SPTBN1: variants seen among roughly 807,000 people sequenced by gnomAD.
SPTBN1 encodes the protein spectrin beta chain, non-erythrocytic 1.
SPTBN1 carries 32 observed loss-of-function variants against 266.4 expected under a neutral mutation model. That is an observed-to-expected ratio of 0.12 (90% CI 0.09 to 0.16). The LOEUF (loss-of-function observed/expected upper bound fraction) is 0.16. Ranked by LOEUF, SPTBN1 falls within the 10% of genes least tolerant of loss-of-function variation. The probability of loss-of-function intolerance (pLI) is 1.00; values close to 1 mark genes in which losing one functional copy is unlikely to be tolerated. For missense variants in SPTBN1, 2,296 were observed against 3,067.1 expected (o/e 0.75, Z 5.94); for synonymous variants, 1,336 against 1,162.2 (o/e 1.15, Z -3.04).
intron 1 of SPTBN1, among the ~76,000 whole-genome samples, chr2:54,498,465 C>T (rs76131517): frequency 0.016 from 2,429 of 152,278 alleles, 78 homozygotes; most frequent in African/African-American, 0.054. Context: ...CCTTGGACAA[C>T]ATTCCCTGAG....
At chr2:54,473,773 C>CT in intron 1 of SPTBN1, among the ~76,000 whole-genome samples, 1 of 152,116 alleles carries the variant, frequency 6.6e-6, no homozygotes. Flanking sequence ...TCAAATGTTC[C>CT]TTTTCTGGAT....
At chr2:54,667,676 T>C in intron 35 of SPTBN1, 30 bp downstream of exon 35, 1 of 1,601,330 alleles carries the variant, frequency 6.2e-7, no homozygotes, top group Non-Finnish European at 8.6e-7. Flanking sequence ...TTCTCTCCAC[T>C]ACTTAGGAGT....
intron 1 of SPTBN1, among the ~76,000 whole-genome samples, chr2:54,517,179 AAG>A (rs1193248796): frequency 6.6e-6 from 1 of 151,966 alleles, no homozygotes; most frequent in East Asian, 1.9e-4. Flanking sequence ...CATGGCCTGA[AAG>A]AGATTTTCAG....
At chr2:54,621,018 CT>C (rs774743205) in intron 7 of SPTBN1, among the ~76,000 whole-genome samples, 1 of 152,108 alleles carries the variant, frequency 6.6e-6, no homozygotes, top group Non-Finnish European at 1.5e-5. Flanking sequence ...GTCATCCCAA[CT>C]TAGACTCAGT....
In SPTBN1 at chr2:54,645,534, C is replaced by T; in HGVS notation, c.4494+81C>T. 6.8e-7 allele frequency: 1 copy of T among 1,462,994 alleles called. No individual in the cohort carries two copies. Among genetic ancestry groups the T allele is most frequent in the Non-Finnish European group, 9.3e-7 (1 of 1,073,258 alleles). The allele number at this position is 1,462,994 out of a possible 1,614,324, so 90.6% of individuals were successfully genotyped here. The stretch of plus-strand genomic sequence containing the variant: ...AAAGCCCACATTCTCACTTCTCAGT[C>T]ATCCTCACCTTGGGCCACGTTGGCA... On this transcript the variant is annotated intron_variant, in intron 21 of 35. Coordinates refer to ENST00000356805, the MANE Select transcript of SPTBN1 (RefSeq NM_003128.3). The surrounding 1 kb of genome is among the most constrained non-coding windows in gnomAD (Gnocchi z 4.3).
chr2:54,481,047 C>G (rs752889571), intron 1 of SPTBN1, among the ~76,000 whole-genome samples: 1 of 152,044 alleles, frequency 6.6e-6, no homozygotes, highest in Non-Finnish European at 1.5e-5. Context: ...ATGGTGAGCA[C>G]CTGTGGTCTT....
chr2:54,653,916 C>A lies in SPTBN1; in HGVS notation c.5822+63C>A. 1 of 1,577,280 alleles carries A rather than the reference C, an allele frequency of 6.3e-7. No homozygotes were observed. The stretch of plus-strand genomic sequence containing the variant: ...CGCTTGGTTAAAACACAGGAGTCTT[C>A]CAGAGAGAAGCAGGAGCCTTGAAAG... On this transcript the variant is annotated intron_variant, in intron 27 of 35. Coordinates refer to ENST00000356805, the MANE Select transcript of SPTBN1 (RefSeq NM_003128.3). The surrounding 1 kb of genome is among the most constrained non-coding windows in gnomAD (Gnocchi z 5.1).
chr2:54,659,946 A>G lies in SPTBN1; in HGVS notation c.6367A>G (p.Lys2123Glu), dbSNP rs879115815. The change falls in exon 32 of 36, where the codon AAA becomes GAA. Residue 2123 changes from lysine to glutamate, a missense_variant. Physicochemically the swap from Lys to Glu is moderately conservative, Grantham distance 56 (BLOSUM62 1). This residue lies in a region of SPTBN1 where 347 missense variants were observed against 368.5 expected (regional missense o/e 0.94). Coordinates refer to ENST00000356805, the MANE Select transcript of SPTBN1 (RefSeq NM_003128.3). ...CCTCTTCCCTAACAGGGATACTTCA[A>G]AAGGAGAACAAGTTTCCCAAAACGG... Reference protein sequence around the residue: ...AESQQQWDTSKGEQVSQNGLP... With the variant: ...AESQQQWDTSEGEQVSQNGLP... 5 of 1,614,002 alleles carry G rather than the reference A, an allele frequency of 3.1e-6. No individual in the cohort carries two copies. The highest frequency in any genetic ancestry group is 2.2e-5 in the East Asian group (1 of 44,894).
chr2:54,607,241 CAGT>C (rs770042491), intron 3 of SPTBN1, among the ~76,000 whole-genome samples: 4 of 152,302 alleles, frequency 2.6e-5, no homozygotes, highest in Non-Finnish European at 4.4e-5. Flanking sequence ...CAGAAATAAA[CAGT>C]GATACAATTT....
intron 2 of SPTBN1, among the ~76,000 whole-genome samples, chr2:54,543,030 T>C (rs368332364): frequency 6.6e-6 from 1 of 152,208 alleles, no homozygotes; most frequent in African/African-American, 2.4e-5. Context: ...CCTGTCTGAA[T>C]ACACTTTGGA....
intron 32 of SPTBN1, chr2:54,661,125 T>C (rs911229988): frequency 2.0e-6 from 2 of 985,310 alleles, no homozygotes; most frequent in African/African-American, 3.5e-5. Flanking sequence ...TTCTGATTCA[T>C]TGTTCATTTT....
At chr2:54,534,779 C>G (rs899992695) in intron 2 of SPTBN1, among the ~76,000 whole-genome samples, 3 of 152,164 alleles carry the variant, frequency 2.0e-5, no homozygotes, top group African/African-American at 7.2e-5. Flanking sequence ...GTGAGTGATC[C>G]AGGCATGGGA....
chr2:54,464,599 G>A (rs1573201881), intron 1 of SPTBN1, among the ~76,000 whole-genome samples: 1 of 152,138 alleles, frequency 6.6e-6, no homozygotes, highest in Non-Finnish European at 1.5e-5. Flanking sequence ...AATATTTCAC[G>A]GTAGAGAAGA....
intron 32 of SPTBN1, chr2:54,661,735 CATAT>C: frequency 1.0e-6 from 1 of 985,392 alleles, no homozygotes; most frequent in South Asian, 4.7e-5. Flanking sequence ...GTGATGTTTT[CATAT>C]ATATATGTGT....
intron 2 of SPTBN1, among the ~76,000 whole-genome samples, chr2:54,560,805 G>T (rs563049900): frequency 6.6e-6 from 1 of 152,178 alleles, no homozygotes; most frequent in Non-Finnish European, 1.5e-5. Flanking sequence ...TTGAGAAAGG[G>T]TGAATTAACT....
Position 54,659,977 on chromosome 2 carries a change from C to T in SPTBN1, c.6398C>T (p.Pro2133Leu). 3.7e-6 allele frequency: 6 copies of T among 1,614,156 alleles called. No homozygotes were observed. The highest frequency in any genetic ancestry group is 5.1e-6 in the Non-Finnish European group (6 of 1,180,028). ...KGEQVSQNGL[P>L]AEQGSPRMAE... ...GAACAAGTTTCCCAAAACGGTTTGC[C>T]AGCTGAACAGGGATCTCCACGGGTT... is the stretch of plus-strand genomic sequence containing the variant. The change falls in exon 32 of 36, where the codon CCA becomes CTA. Residue 2133 changes from proline (P) to leucine (L), a missense_variant. Around this residue, in one of 12 missense-constraint regions of SPTBN1, gnomAD observed 347 missense variants for 368.5 expected, o/e 0.94. Transcript: ENST00000356805.
At chr2:54,623,987 G>C (rs1678160569) in intron 10 of SPTBN1, among the ~76,000 whole-genome samples, 1 of 152,234 alleles carries the variant, frequency 6.6e-6, no homozygotes, top group African/African-American at 2.4e-5. Context: ...TCTTGCATTA[G>C]AGATGCTGTC....
At chr2:54,481,563 AG>A (rs1465761702) in intron 1 of SPTBN1, among the ~76,000 whole-genome samples, 2 of 152,168 alleles carry the variant, frequency 1.3e-5, no homozygotes, top group African/African-American at 4.8e-5. Flanking sequence ...AGTAATGGCA[AG>A]TAAAGGTTGA....
At chr2:54,630,482 C>G (rs1292616982) in intron 15 of SPTBN1, among the ~76,000 whole-genome samples, 1 of 152,082 alleles carries the variant, frequency 6.6e-6, no homozygotes, top group African/African-American at 2.4e-5. Flanking sequence ...GGCACCTGGC[C>G]CCAGTTTTGA....
Sources: allele counts gnomAD v4.1 joint callset (sites outside exome capture counted in the v4.1 genomes callset), GRCh38; gene constraint gnomAD v4.1.1; regional missense constraint gnomAD v4.1.1; non-coding constraint Gnocchi (gnomAD v3.1); transcripts MANE v1.5; gene names NCBI Gene and HGNC (gene_info 2026-07-23, HGNC 2026-07-21).